ROR1: variants seen among roughly 807,000 people sequenced by gnomAD.
ROR1 encodes the protein inactive tyrosine-protein kinase transmembrane receptor ROR1.
Under a neutral mutation model 78.8 loss-of-function variants are expected in ROR1, and 19 were observed. The ratio of observed to expected loss-of-function variants is 0.24; its 90% CI spans 0.17 to 0.35. ROR1 has a LOEUF of 0.35. Among genes scored for constraint, ROR1 ranks in the 10% least tolerant of loss-of-function variants. The probability of loss-of-function intolerance (pLI) is 1.00; values close to 1 mark genes in which losing one functional copy is unlikely to be tolerated. For missense variants in ROR1, 917 were observed against 1,177.8 expected (o/e 0.78, Z 3.24); for synonymous variants, 386 against 433.6 (o/e 0.89, Z 1.36).
At position 64,116,018 on chromosome 1, in the gene ROR1, A is replaced by G. The variant is rs139138136; in HGVS notation, c.483-21351A>G. Among the ~76,000 whole-genome samples, 6 of 152,330 alleles carry G rather than the reference A, an allele frequency of 3.9e-5. No homozygotes were observed. The East Asian group carries it at 1.2e-3, about 29-fold the overall frequency. Reference sequence around the variant, plus strand: ...AAAGATCGTAGCTCTTCATTGATTCAGTATTTATCTCTTGAGTACTTGCTT... The same window carrying G: ...AAAGATCGTAGCTCTTCATTGATTCGGTATTTATCTCTTGAGTACTTGCTT... On this transcript the variant is annotated intron_variant, in intron 4 of 8. Transcript: ENST00000371079.
At chr1:64,092,203 A>C (rs2100645334) in intron 4 of ROR1, among the ~76,000 whole-genome samples, 1 of 151,914 alleles carries the variant, frequency 6.6e-6, no homozygotes, top group African/African-American at 2.4e-5. Context: ...AGACAAGCAA[A>C]GAAAGAAACT....
At position 63,832,996 on chromosome 1, in the gene ROR1, T is replaced by C. The variant is rs1336573433; in HGVS notation, c.91+58488T>C. ...CCACTTCACAATAACCCATAAGCTG[T>C]AACCCTTACAATGCCCATTTCCACA... On this transcript the variant is annotated intron_variant, in intron 1 of 8. Coordinates refer to ENST00000371079, the MANE Select transcript of ROR1 (RefSeq NM_005012.4). Among the ~76,000 whole-genome samples, 3 of 152,250 alleles carry C rather than the reference T, an allele frequency of 2.0e-5. No homozygotes were observed. In the South Asian group the frequency reaches 6.2e-4, roughly 32 times the overall value.
At chr1:63,792,459 T>A (rs1047703558) in intron 1 of ROR1, among the ~76,000 whole-genome samples, 3 of 152,094 alleles carry the variant, frequency 2.0e-5, no homozygotes, top group African/African-American at 4.8e-5. Context: ...ATGGGGAGTG[T>A]ATAAGTCACA....
chr1:63,843,405 T>C, intron 1 of ROR1: 1 of 746,968 alleles, frequency 1.3e-6, no homozygotes. Flanking sequence ...GTCCTCCTCC[T>C]TGCTCTCCTT....
chr1:63,859,369 A>G (rs1334320741), intron 1 of ROR1, among the ~76,000 whole-genome samples: 2 of 152,216 alleles, frequency 1.3e-5, no homozygotes, highest in Non-Finnish European at 2.9e-5. Context: ...TTTAATGAAA[A>G]TATGTACCTC....
At chr1:63,992,874 C>T (rs1476487736) in intron 1 of ROR1, among the ~76,000 whole-genome samples, 1 of 152,150 alleles carries the variant, frequency 6.6e-6, no homozygotes, top group Non-Finnish European at 1.5e-5. Context: ...CTTCCTGCCT[C>T]TTCTTCCTGC....
At chr1:64,062,055 C>G (rs1196942535) in intron 4 of ROR1, among the ~76,000 whole-genome samples, 2 of 152,208 alleles carry the variant, frequency 1.3e-5, no homozygotes. Flanking sequence ...CCCTCAAATT[C>G]TGAAGTGGCT....
chr1:63,803,346 A>T (rs924162627), intron 1 of ROR1, among the ~76,000 whole-genome samples: 3 of 145,574 alleles, frequency 2.1e-5, no homozygotes, highest in Admixed American at 6.9e-5. Context: ...TCTCCATCAA[A>T]TTTTTTTTTT....
At chr1:63,809,455 T>G (rs1385634582) in intron 1 of ROR1, among the ~76,000 whole-genome samples, 1 of 152,238 alleles carries the variant, frequency 6.6e-6, no homozygotes, top group Non-Finnish European at 1.5e-5. Context: ...CTGAAATATA[T>G]AGTCTGCTTC....
chr1:64,168,299 T>C (rs1022703533), intron 8 of ROR1, among the ~76,000 whole-genome samples: 4 of 152,188 alleles, frequency 2.6e-5, no homozygotes, highest in Admixed American at 2.0e-4. Context: ...ACCAATCTCA[T>C]GGGGTTAGTG....
chr1:63,930,694 A>C (rs2100443635), intron 1 of ROR1, among the ~76,000 whole-genome samples: 1 of 152,298 alleles, frequency 6.6e-6, no homozygotes, highest in East Asian at 1.9e-4. Context: ...TATGAATGAA[A>C]AATTATTTCT....
At chr1:64,079,376 G>C (rs1647080160) in intron 4 of ROR1, among the ~76,000 whole-genome samples, 1 of 151,990 alleles carries the variant, frequency 6.6e-6, no homozygotes, top group African/African-American at 2.4e-5. Flanking sequence ...ACATATCATA[G>C]ATACTTAATA....
chr1:64,163,519 G>T (rs902321128), intron 8 of ROR1, among the ~76,000 whole-genome samples: 13 of 152,184 alleles, frequency 8.5e-5, no homozygotes, highest in Non-Finnish European at 1.6e-4. Flanking sequence ...GCCCCCATGA[G>T]TCGAACTCCT....
At chr1:63,813,149 A>G (rs1186511027) in intron 1 of ROR1, among the ~76,000 whole-genome samples, 2 of 152,176 alleles carry the variant, frequency 1.3e-5, no homozygotes, top group African/African-American at 4.8e-5. Flanking sequence ...TTAGAAGTGC[A>G]CTTTAAAAAA....
intron 1 of ROR1, among the ~76,000 whole-genome samples, chr1:63,983,946 T>A (rs1646231230): frequency 6.6e-6 from 1 of 152,134 alleles, no homozygotes; most frequent in South Asian, 2.1e-4. Flanking sequence ...TTACAGTGAG[T>A]ACTTACTAAA....
At chr1:63,890,742 G>A (rs1333053145) in intron 1 of ROR1, among the ~76,000 whole-genome samples, 1 of 152,080 alleles carries the variant, frequency 6.6e-6, no homozygotes, top group African/African-American at 2.4e-5. Context: ...GCATAAAAGT[G>A]AGAGACAGCC....
chr1:63,948,527 C>T (rs1645908879), intron 1 of ROR1, among the ~76,000 whole-genome samples: 1 of 152,102 alleles, frequency 6.6e-6, no homozygotes, highest in South Asian at 2.1e-4. Flanking sequence ...CCAGTACCAA[C>T]CCTAATGCCT....
Position 64,114,539 on chromosome 1 carries a change from A to C in ROR1, c.483-22830A>C, listed in dbSNP as rs367953208. Among the ~76,000 whole-genome samples the C allele has an allele frequency of 1.3e-4, 20 of 152,292 alleles. 1 individual carries two copies. In the South Asian group the frequency reaches 4.1e-3, roughly 32 times the overall value. ...CCACAGCCCTGCAGCACCTTTAAAG[A>C]AAGGGTGAGGGAGACATGCTTAAGC... On this transcript the variant is annotated intron_variant, in intron 4 of 8. Transcript: ENST00000371079.
intron 1 of ROR1, among the ~76,000 whole-genome samples, chr1:63,919,562 G>A (rs1645637704): frequency 6.7e-6 from 1 of 148,682 alleles, no homozygotes; most frequent in African/African-American, 2.5e-5. Flanking sequence ...CAGCAAGATA[G>A]AGGAAACTTA....
Sources: allele counts gnomAD v4.1 joint callset (sites outside exome capture counted in the v4.1 genomes callset), GRCh38; gene constraint gnomAD v4.1.1; transcripts MANE v1.5; gene names NCBI Gene and HGNC (gene_info 2026-07-23, HGNC 2026-07-21).